SLC5A4: variants seen among roughly 807,000 people sequenced by gnomAD.
The protein encoded by SLC5A4 is solute carrier family 5 member 4, also known as probable glucose sensor protein SLC5A4.
Under a neutral mutation model 70.3 loss-of-function variants are expected in SLC5A4, and 55 were observed. The ratio of observed to expected loss-of-function variants is 0.78; its 90% confidence interval spans 0.63 to 0.98. The LOEUF is 0.98. SLC5A4 is among the 50% of genes least tolerant of loss of function. The pLI, the probability that SLC5A4 is intolerant of heterozygous loss-of-function variation, is 0.00. For synonymous variants in SLC5A4, 268 were observed against 305.7 expected (o/e 0.88, Z 1.29); for missense variants, 735 against 839.2 (o/e 0.88, Z 1.53).
chr22:32,329,561 G>A, the SLC5A4 span, among the ~76,000 whole-genome samples: 1 of 148,246 alleles, frequency 6.7e-6, no homozygotes. Flanking sequence ...GGGCTCTGGT[G>A]TGTGTGTTGC....
the SLC5A4 span, among the ~76,000 whole-genome samples, chr22:32,333,215 C>A: frequency 6.7e-6 from 1 of 148,702 alleles, no homozygotes; most frequent in African/African-American, 2.5e-5. Context: ...CCAGAAGACT[C>A]AGACCAGTCC....
chr22:32,354,440 G>A, the SLC5A4 span, among the ~76,000 whole-genome samples: 2 of 150,408 alleles, frequency 1.3e-5, no homozygotes, highest in African/African-American at 4.9e-5. Flanking sequence ...TCTAGACGCA[G>A]GCAATGATGC....
the SLC5A4 span, among the ~76,000 whole-genome samples, chr22:32,335,505 C>T: frequency 0.14 from 21,222 of 152,120 alleles, 2,024 homozygotes; most frequent in African/African-American, 0.27. Flanking sequence ...GAGCGGAGTA[C>T]GGAGCTAGGC....
At chr22:32,269,928 C>T in the SLC5A4 span, 3 of 539,326 alleles carry the variant, frequency 5.6e-6, no homozygotes, top group African/African-American at 3.8e-5. This position sits in a 1 kb window ranked among gnomAD's most constrained non-coding sequence, Gnocchi z 4.1. Context: ...TCACCACCAG[C>T]ATGGTCACCA....
the SLC5A4 span, among the ~76,000 whole-genome samples, chr22:32,283,865 A>T: frequency 2.7e-4 from 41 of 151,970 alleles, no homozygotes; most frequent in Non-Finnish European, 5.1e-4. Context: ...GCTCCAGCAC[A>T]CCCCTGAGAA....
the SLC5A4 span, among the ~76,000 whole-genome samples, chr22:32,344,161 A>G: frequency 6.6e-6 from 1 of 152,180 alleles, no homozygotes; most frequent in African/African-American, 2.4e-5. Context: ...GCTGGGTTCA[A>G]CGTGTGACAT....
At chr22:32,345,378 A>C in the SLC5A4 span, among the ~76,000 whole-genome samples, 51 of 143,762 alleles carry the variant, frequency 3.5e-4, no homozygotes, top group Non-Finnish European at 4.3e-4. Flanking sequence ...AATGTTAGTC[A>C]GTGAATAAAA....
In SLC5A4 at chr22:32,255,280, G is replaced by A. The variant is rs1485992586; in HGVS notation, c.50C>T (p.Pro17Leu). ...PSTIAETPEP[P>L]PLSDHIRNAA... ...ATTTCGGATGTGGTCAGACAATGGA[G>A]GTGGCTCTGGGGTCTCAGCTATGGT... The change falls in exon 1 of 15, where the codon CCT becomes CTT. Residue 17 changes from proline to leucine, a missense_variant. Pro to Leu is a moderately conservative substitution (Grantham distance 98). Transcript: ENST00000266086. 3.7e-6 allele frequency: 6 copies of A among 1,614,150 alleles called. No homozygotes were observed. In the South Asian group the frequency reaches 5.5e-5, roughly 15 times the overall value.
At chr22:32,288,608 T>G in the SLC5A4 span, among the ~76,000 whole-genome samples, 1 of 152,206 alleles carries the variant, frequency 6.6e-6, no homozygotes, top group Non-Finnish European at 1.5e-5. Context: ...CAGGCTGAAG[T>G]GCAATGTGCC....
At chr22:32,240,367 ACACTGTTTGGCTCAG>A (rs1926445083) in intron 5 of SLC5A4, among the ~76,000 whole-genome samples, 1 of 152,146 alleles carries the variant, frequency 6.6e-6, no homozygotes, top group Non-Finnish European at 1.5e-5. Flanking sequence ...TTTCTTATCT[ACACTGTTTGGCTCAG>A]CATAATTAAC....
At chr22:32,236,276 C>A (rs1926054692) in intron 7 of SLC5A4, among the ~76,000 whole-genome samples, 1 of 152,156 alleles carries the variant, frequency 6.6e-6, no homozygotes, top group Admixed American at 6.5e-5. Context: ...TAAGAGAAAA[C>A]AAATATTGGC....
At chr22:32,292,271 T>C in the SLC5A4 span, among the ~76,000 whole-genome samples, 52,175 of 104,602 alleles carry the variant, frequency 0.5, 15,223 homozygotes, top group Admixed American at 0.56. Context: ...ATATAATACA[T>C]ACTAGATATT....
chr22:32,253,993 C>A, intron 2 of SLC5A4, 149 bp downstream of exon 2: 1 of 717,354 alleles, frequency 1.4e-6, no homozygotes. Context: ...GTTAGTCAGG[C>A]TGGTCTCGAA....
intron 4 of SLC5A4, 24 bp from the exon 5 acceptor site, chr22:32,247,539 G>A: frequency 6.7e-7 from 1 of 1,489,642 alleles, no homozygotes; most frequent in Non-Finnish European, 9.4e-7. Context: ...CATTGACAGG[G>A]ACTTAACTTA....
At position 32,229,326 on chromosome 22, in the gene SLC5A4, A is replaced by T; in HGVS notation, c.1148T>A (p.Leu383His). 2 of 1,614,208 alleles carry T rather than the reference A, an allele frequency of 1.2e-6. No homozygotes were observed. The highest frequency in any genetic ancestry group is 2.2e-5 in the South Asian group (2 of 91,076). Residue 383 changes from leucine (L) to histidine (H), a missense_variant, in exon 11 of 15, where the codon CTT becomes CAT. Leu to His is a moderately conservative substitution (Grantham distance 99). Transcript: ENST00000266086. ...LMPQGLRGLM[L>H]SVMLASLMSS... ...CATGAGAGAGGCCAGCATGACCGAA[A>T]GCATCAGGCCTCGCAGTCCTGGAGC...
the SLC5A4 span, chr22:32,270,153 G>T: frequency 3.2e-6 from 2 of 621,812 alleles, no homozygotes; most frequent in South Asian, 1.5e-5. Flanking sequence ...TGAAGTGTAC[G>T]GCAGCGACGC....
the SLC5A4 span, among the ~76,000 whole-genome samples, chr22:32,287,275 T>A: frequency 6.6e-6 from 1 of 152,230 alleles, no homozygotes; most frequent in East Asian, 1.9e-4. Flanking sequence ...TTCTTCCACG[T>A]CCATTTCAGA....
chr22:32,303,211 G>A, the SLC5A4 span, among the ~76,000 whole-genome samples: 3 of 152,068 alleles, frequency 2.0e-5, no homozygotes, highest in African/African-American at 7.2e-5. Flanking sequence ...GGCACAGCTT[G>A]GTTTTATACA....
chr22:32,256,902 T>A (rs761818974), upstream of SLC5A4, among the ~76,000 whole-genome samples: 2 of 152,232 alleles, frequency 1.3e-5, no homozygotes, highest in Non-Finnish European at 2.9e-5. Flanking sequence ...TCTGTTTGAA[T>A]CCCTACTTTC....
Sources: allele counts gnomAD v4.1 joint callset (sites outside exome capture counted in the v4.1 genomes callset), GRCh38; gene constraint gnomAD v4.1.1; non-coding constraint Gnocchi (gnomAD v3.1); transcripts MANE v1.5; gene names NCBI Gene and HGNC (gene_info 2026-07-23, HGNC 2026-07-21).